The following GARNL3 variants were observed in gnomAD, a reference collection of about 807,000 sequenced individuals.
The protein encoded by GARNL3 is GTPase-activating Rap/Ran-GAP domain-like protein 3.
Under a neutral mutation model 125.0 loss-of-function variants are expected in GARNL3, and 63 were observed. The observed-to-expected ratio is 0.50, with a 90% CI of 0.41 to 0.62. GARNL3 has a LOEUF of 0.62. Among genes scored for constraint, GARNL3 ranks in the 20% least tolerant of loss-of-function variants. The pLI is 0.00. For synonymous variants in GARNL3, 439 were observed against 457.5 expected, an observed-to-expected ratio of 0.96 and a Z score of 0.52; for missense variants, 994 against 1,244.0, an observed-to-expected ratio of 0.80 and a Z score of 3.02.
chr9:127,226,799 C>T (rs2062921621), intron 1 of GARNL3, among the ~76,000 whole-genome samples: 1 of 152,230 alleles, frequency 6.6e-6, no homozygotes, highest in Non-Finnish European at 1.5e-5. Context: ...AGATAACGGT[C>T]TCTGTGCTCA....
rs190587564 is a variant in GARNL3 at position 127,254,055 on chromosome 9, T to C, written c.143+10806T>C. On this transcript the variant is annotated intron_variant, in intron 2 of 10. Coordinates refer to the GARNL3 transcript ENST00000439286. ...CATGGGATTTTGTAGAAAAGATACCTTTCATTGGCATCTGGTGGGTGGGAA... is the reference window on the plus strand; with the variant it reads ...CATGGGATTTTGTAGAAAAGATACCCTTCATTGGCATCTGGTGGGTGGGAA... Among the ~76,000 whole-genome samples, 4 of 152,252 alleles carry C rather than the reference T, an allele frequency of 2.6e-5. No homozygotes were observed. The East Asian group carries it at 7.7e-4, about 29-fold the overall frequency.
intron 1 of GARNL3, among the ~76,000 whole-genome samples, chr9:127,268,442 G>T (rs771258228): frequency 3.3e-5 from 5 of 152,162 alleles, no homozygotes; most frequent in Non-Finnish European, 5.9e-5. Flanking sequence ...ATTTCTCTGT[G>T]TCTGTATCAC....
chr9:127,234,119 T>C (rs1440078834), intron 1 of GARNL3, among the ~76,000 whole-genome samples: 1 of 152,222 alleles, frequency 6.6e-6, no homozygotes, highest in African/African-American at 2.4e-5. Flanking sequence ...CTGTCTAGTA[T>C]TGGGCTGACA....
chr9:127,256,016 C>T (rs1179814277), intron 2 of GARNL3, among the ~76,000 whole-genome samples: 7 of 152,126 alleles, frequency 4.6e-5, no homozygotes, highest in African/African-American at 1.7e-4. Context: ...AAGGGATTTC[C>T]CCAAAGAAGT....
At chr9:127,227,584 G>C (rs1035075334) in intron 1 of GARNL3, among the ~76,000 whole-genome samples, 2 of 151,306 alleles carry the variant, frequency 1.3e-5, no homozygotes, top group African/African-American at 4.9e-5. Context: ...CTGGGCGACA[G>C]AGTGAGACTC....
At chr9:127,343,750 T>C (rs866367987) in intron 14 of GARNL3, among the ~76,000 whole-genome samples, 2 of 152,220 alleles carry the variant, frequency 1.3e-5, no homozygotes, top group Admixed American at 1.3e-4. Context: ...CATTTAAACC[T>C]CATAACACAC....
chr9:127,267,560 C>T (rs2063730747), intron 1 of GARNL3, among the ~76,000 whole-genome samples: 1 of 151,990 alleles, frequency 6.6e-6, no homozygotes, highest in Non-Finnish European at 1.5e-5. Flanking sequence ...TTCTCATTTT[C>T]CCGTATTAAA....
At chr9:127,356,355 G>A (rs959004072) in intron 20 of GARNL3, 1 of 152,190 alleles carries the variant, frequency 6.6e-6, no homozygotes, top group Non-Finnish European at 1.5e-5. Context: ...CTGGGAGATT[G>A]AAGGGGGAGC....
chr9:127,345,804 G>A (rs1056554209), intron 16 of GARNL3, among the ~76,000 whole-genome samples: 3 of 152,252 alleles, frequency 2.0e-5, no homozygotes, highest in Non-Finnish European at 4.4e-5. Flanking sequence ...TTCTGATCCA[G>A]TAGGTCTGGA....
At chr9:127,229,035 G>A (rs1423602180) in intron 1 of GARNL3, among the ~76,000 whole-genome samples, 4 of 152,160 alleles carry the variant, frequency 2.6e-5, no homozygotes, top group Non-Finnish European at 5.9e-5. Context: ...TGATGGCCAG[G>A]CTGGTCTCAA....
chr9:127,391,533 A>AATATATATATATAT (rs1554741684), intron 27 of GARNL3, among the ~76,000 whole-genome samples: 3 of 75,830 alleles, frequency 4.0e-5, no homozygotes, highest in African/African-American at 3.9e-5. Context: ...ACAAAAAAAA[A>AATATATATATATAT]ATATATATAT....
chr9:127,358,022 G>T (rs990803618), intron 21 of GARNL3, among the ~76,000 whole-genome samples: 1 of 151,762 alleles, frequency 6.6e-6, no homozygotes, highest in Admixed American at 6.6e-5. Flanking sequence ...GAGTGAGCAG[G>T]CAGATTTGCC....
At chr9:127,361,852 G>A (rs555148910) in intron 21 of GARNL3, 2 of 152,228 alleles carry the variant, frequency 1.3e-5, no homozygotes, top group East Asian at 1.9e-4. Context: ...TCCTCCATAC[G>A]TGTCACCACT....
intron 22 of GARNL3, among the ~76,000 whole-genome samples, chr9:127,379,656 T>C (rs1832133623): frequency 6.6e-6 from 1 of 152,224 alleles, no homozygotes; most frequent in Non-Finnish European, 1.5e-5. Flanking sequence ...CAGAAAGCTT[T>C]GGAAACTAAA....
At chr9:127,344,459 T>C in intron 15 of GARNL3, 120 bp downstream of exon 15, 1 of 728,246 alleles carries the variant, frequency 1.4e-6, no homozygotes, top group Non-Finnish European at 2.4e-6. Flanking sequence ...TAATTTCTGT[T>C]AGGATTGTTG....
chr9:127,249,288 T>C (rs2063359112), intron 2 of GARNL3, among the ~76,000 whole-genome samples: 1 of 152,152 alleles, frequency 6.6e-6, no homozygotes, highest in African/African-American at 2.4e-5. Context: ...CAAAATGGCA[T>C]ATACAAGATT....
intron 1 of GARNL3, among the ~76,000 whole-genome samples, chr9:127,233,653 A>T (rs1564837275): frequency 1.3e-5 from 2 of 152,206 alleles, no homozygotes; most frequent in Non-Finnish European, 1.5e-5. Context: ...GAAGATTTTG[A>T]ATTACAAATG....
upstream of GARNL3, chr9:127,264,228 A>C: frequency 2.8e-6 from 1 of 356,700 alleles, no homozygotes; most frequent in Non-Finnish European, 5.0e-6. Context: ...TTGAGTGTGC[A>C]ACTGTGCATT....
chr9:127,340,059 ATATG>A (rs1300248376), intron 13 of GARNL3, among the ~76,000 whole-genome samples: 1 of 151,872 alleles, frequency 6.6e-6, no homozygotes, highest in Non-Finnish European at 1.5e-5. Context: ...CTCTGCTTGT[ATATG>A]TATCTGTATC....
Sources: allele counts gnomAD v4.1 joint callset (sites outside exome capture counted in the v4.1 genomes callset), GRCh38; gene constraint gnomAD v4.1.1; transcripts MANE v1.5; gene names NCBI Gene and HGNC (gene_info 2026-07-23, HGNC 2026-07-21).